The following ASB4 variants were observed in gnomAD, a reference collection of about 807,000 sequenced individuals.
ASB4 encodes ankyrin repeat and SOCS box protein 4.
A neutral mutation model predicts 38.6 loss-of-function variants in ASB4; 35 were observed. The observed-to-expected ratio is 0.91, with a 90% CI of 0.69 to 1.20. The LOEUF is 1.20. Among genes scored for constraint, ASB4 ranks in the 50% most tolerant of loss-of-function variants. The pLI is 0.00. For synonymous variants in ASB4, 195 were observed against 201.3 expected (o/e 0.97, Z 0.26); for missense variants, 557 against 527.2 (o/e 1.06, Z -0.55).
intron 1 of ASB4, among the ~76,000 whole-genome samples, chr7:95,491,959 T>C (rs560307337): frequency 6.6e-6 from 1 of 152,182 alleles, no homozygotes; most frequent in Non-Finnish European, 1.5e-5. Context: ...CCACCAAAGT[T>C]TTGCAACACA....
chr7:95,549,504 C>T, the ASB4 span, among the ~76,000 whole-genome samples: 4 of 151,684 alleles, frequency 2.6e-5, no homozygotes, highest in Non-Finnish European at 5.9e-5. Context: ...TCACCGTGTT[C>T]GCCAGGATGG....
intron 2 of ASB4, among the ~76,000 whole-genome samples, chr7:95,513,790 A>G (rs1291205802): frequency 6.6e-6 from 1 of 152,174 alleles, no homozygotes; most frequent in Admixed American, 6.6e-5. Flanking sequence ...GACAGCAGCA[A>G]TAAGAAGCTA....
Position 95,528,659 on chromosome 7 carries a change from T to C in ASB4, c.978+356T>C, listed in dbSNP as rs559711498. On this transcript the variant is annotated intron_variant, in intron 3 of 4. Coordinates refer to ENST00000325885, the MANE Select transcript of ASB4 (RefSeq NM_016116.3). ...GCCATCTTTTAAACAGAATGACTGA[T>C]CTAAAGATGACTCAGCCTGCTTTGA... The C allele has an allele frequency of 1.0e-5, 12 of 1,162,788 alleles. No homozygotes were observed. The East Asian group carries it at 4.6e-4, about 45-fold the overall frequency. 72.0% of individuals were successfully genotyped at this position (1,162,788 alleles called of 1,614,324 possible). A position where few individuals can be genotyped will look rare whatever the true frequency, so the allele number is the denominator to read the frequency against.
chr7:95,535,591 T>G (rs1790879926), intron 3 of ASB4, among the ~76,000 whole-genome samples: 1 of 152,184 alleles, frequency 6.6e-6, no homozygotes, highest in Admixed American at 6.5e-5. Context: ...CAAAAGTTGG[T>G]TAAGTGTATA....
chr7:95,539,791 T>C lies in ASB4; in HGVS notation c.*2032T>C, dbSNP rs1029186728. ...ACTACATATTGGGTACAGTGTACAC[T>C]GCTCCAGTGATGGGTGCACTAAAAT... On this transcript the variant is annotated 3_prime_UTR_variant, in exon 5 of 5. Coordinates refer to ENST00000325885, the MANE Select transcript of ASB4 (RefSeq NM_016116.3). 2.6e-5 allele frequency: 4 copies of C among 152,232 alleles called. No individual in the cohort carries two copies. Among genetic ancestry groups the C allele is most frequent in the Non-Finnish European group, 5.9e-5 (4 of 68,056 alleles). 9.4% of individuals were successfully genotyped at this position (152,232 alleles called of 1,614,324 possible). A position where few individuals can be genotyped will look rare whatever the true frequency, so the allele number is the denominator to read the frequency against.
chr7:95,483,650 A>T (rs933838661), upstream of ASB4, among the ~76,000 whole-genome samples: 1 of 152,210 alleles, frequency 6.6e-6, no homozygotes, highest in Non-Finnish European at 1.5e-5. Flanking sequence ...ATTCTAGTGT[A>T]TGGGAAATGG....
intron 1 of ASB4, among the ~76,000 whole-genome samples, chr7:95,494,571 C>G (rs1383444230): frequency 6.6e-6 from 1 of 152,176 alleles, no homozygotes; most frequent in Non-Finnish European, 1.5e-5. Flanking sequence ...TGTTTCAGCC[C>G]TAAAGTAACT....
At chr7:95,534,993 C>T (rs1790868688) in intron 3 of ASB4, among the ~76,000 whole-genome samples, 1 of 152,162 alleles carries the variant, frequency 6.6e-6, no homozygotes, top group African/African-American at 2.4e-5. Flanking sequence ...GACCTTTAGC[C>T]CTGCCCTGAC....
In ASB4 at chr7:95,528,120, C is replaced by A. The variant is rs772632934; in HGVS notation, c.795C>A (p.His265Gln). Residue 265 changes from histidine to glutamine, a missense_variant, in exon 3 of 5, where the codon CAC (histidine) becomes CAA (glutamine). By Grantham distance (24) the His-to-Gln change is conservative. Coordinates refer to ENST00000325885, the MANE Select transcript of ASB4 (RefSeq NM_016116.3). ...PLHKAAWNCD[H>Q]VLMHMMLEAG... ...ACAAGGCAGCCTGGAACTGTGACCA[C>A]GTGCTCATGCACATGATGCTGGAAG... The A allele has an allele frequency of 2.5e-5, 40 of 1,614,096 alleles. No homozygotes were observed. The highest frequency in any genetic ancestry group is 3.4e-5 in the Non-Finnish European group (40 of 1,180,054).
At chr7:95,494,326 T>G (rs1270707421) in intron 1 of ASB4, among the ~76,000 whole-genome samples, 1 of 152,220 alleles carries the variant, frequency 6.6e-6, no homozygotes, top group Non-Finnish European at 1.5e-5. Flanking sequence ...AAGAATACAA[T>G]GTTTACTTCT....
At chr7:95,485,460 A>G (rs183012450), upstream of ASB4, among the ~76,000 whole-genome samples, 1 of 152,246 alleles carries the variant, frequency 6.6e-6, no homozygotes, top group Non-Finnish European at 1.5e-5. Flanking sequence ...GTCTTCAGAT[A>G]TGTATGACAA....
At chr7:95,534,008 A>T (rs1384659198) in intron 3 of ASB4, among the ~76,000 whole-genome samples, 1 of 152,082 alleles carries the variant, frequency 6.6e-6, no homozygotes, top group Non-Finnish European at 1.5e-5. Flanking sequence ...TAATAACTCC[A>T]TCTTAGCTTT....
chr7:95,492,642 C>T (rs915150175), intron 1 of ASB4, among the ~76,000 whole-genome samples: 1 of 152,178 alleles, frequency 6.6e-6, no homozygotes, highest in Non-Finnish European at 1.5e-5. Flanking sequence ...AATCAGCTCT[C>T]TGCTGCTTCC....
At chr7:95,499,904 C>T (rs182493778) in intron 2 of ASB4, among the ~76,000 whole-genome samples, 2 of 127,618 alleles carry the variant, frequency 1.6e-5, no homozygotes, top group East Asian at 5.1e-4. Flanking sequence ...GACGGAGTCT[C>T]GCTTTGTCGC....
rs1321364128 is a variant in ASB4, at chr7:95,528,058, G to A, written c.733G>A (p.Val245Ile). 1 of 1,614,146 alleles carries A rather than the reference G, an allele frequency of 6.2e-7. No homozygotes were observed. The highest frequency in any genetic ancestry group is 1.7e-5 in the Admixed American group (1 of 59,996). The change falls in exon 3 of 5, where the codon GTC becomes ATC. Residue 245 changes from valine to isoleucine, a missense_variant. Transcript: ENST00000325885. The stretch of plus-strand genomic sequence containing the variant: ...CATGCTGCTTGACTACAAAGCCGAA[G>A]TCAATGCCCGAGATGACGACTTTAA... ...CRMLLDYKAE[V>I]NARDDDFKSP...
intron 1 of ASB4, among the ~76,000 whole-genome samples, chr7:95,490,822 G>A (rs191205949): frequency 2.6e-5 from 4 of 152,370 alleles, no homozygotes; most frequent in South Asian, 2.1e-4. Context: ...ACGCGCACGC[G>A]TGCACACACA....
At chr7:95,488,346 GA>G (rs71719760) in intron 1 of ASB4, among the ~76,000 whole-genome samples, 104,152 of 149,696 alleles carry the variant, frequency 0.7, 36,687 homozygotes, top group East Asian at 0.94. Context: ...GTCTCAAAAA[GA>G]AAAAAAAAAA....
the ASB4 span, among the ~76,000 whole-genome samples, chr7:95,549,519 G>C: frequency 6.6e-6 from 1 of 151,760 alleles, no homozygotes; most frequent in Admixed American, 6.6e-5. Flanking sequence ...GGATGGTCTC[G>C]ATCTCCTGAC....
chr7:95,550,238 G>C, the ASB4 span, among the ~76,000 whole-genome samples: 3 of 152,094 alleles, frequency 2.0e-5, no homozygotes, highest in Non-Finnish European at 4.4e-5. Context: ...AAAGTCCAAG[G>C]CTGCCTCCTG....
Sources: allele counts gnomAD v4.1 joint callset (sites outside exome capture counted in the v4.1 genomes callset), GRCh38; gene constraint gnomAD v4.1.1; transcripts MANE v1.5; gene names NCBI Gene and HGNC (gene_info 2026-07-23, HGNC 2026-07-21).